Variants in ZBTB20 observed in about 807,000 individuals in gnomAD.
ZBTB20 encodes zinc finger and BTB domain containing 20, also known as zinc finger and BTB domain-containing protein 20.
ZBTB20 carries 9 observed loss-of-function variants against 56.9 expected under a neutral mutation model. The observed-to-expected ratio is 0.16, with a 90% CI of 0.10 to 0.28. The LOEUF (loss-of-function observed/expected upper bound fraction) is 0.28. ZBTB20 is among the 10% of genes least tolerant of loss of function. The probability of loss-of-function intolerance (pLI) is 1.00; values close to 1 mark genes in which losing one functional copy is unlikely to be tolerated. For missense variants in ZBTB20, 655 were observed against 1,003.0 expected (o/e 0.65, Z 4.69); for synonymous variants, 417 against 420.7 (o/e 0.99, Z 0.11).
intron 2 of ZBTB20, among the ~76,000 whole-genome samples, chr3:115,050,854 A>G (rs1456663836): frequency 6.6e-6 from 1 of 152,116 alleles, no homozygotes; most frequent in Non-Finnish European, 1.5e-5. Context: ...AAGGATGGTA[A>G]TAAGATGAAA....
At chr3:114,963,340 T>G (rs1254843590) in intron 3 of ZBTB20, among the ~76,000 whole-genome samples, 2 of 152,116 alleles carry the variant, frequency 1.3e-5, no homozygotes, top group Non-Finnish European at 2.9e-5. Flanking sequence ...TAGATGAATT[T>G]TCCCTTGGCC....
intron 6 of ZBTB20, among the ~76,000 whole-genome samples, chr3:114,613,898 A>T (rs2057736667): frequency 6.6e-6 from 1 of 152,190 alleles, no homozygotes; most frequent in African/African-American, 2.4e-5. Context: ...AGTGCTTATT[A>T]TATACTAGGT....
chr3:114,828,238 C>G (rs778868055), intron 4 of ZBTB20, among the ~76,000 whole-genome samples: 2 of 151,430 alleles, frequency 1.3e-5, no homozygotes, highest in Non-Finnish European at 3.0e-5. Context: ...TATTGAGCAC[C>G]AAGTAAGTAC....
chr3:114,898,808 G>A (rs562147893), intron 4 of ZBTB20, among the ~76,000 whole-genome samples: 2 of 152,192 alleles, frequency 1.3e-5, no homozygotes, highest in East Asian at 3.9e-4. Context: ...CCAGATTTAT[G>A]TTACTAAATA....
At chr3:114,770,102 A>C (rs2069092245) in intron 5 of ZBTB20, among the ~76,000 whole-genome samples, 1 of 151,584 alleles carries the variant, frequency 6.6e-6, no homozygotes, top group Non-Finnish European at 1.5e-5. Flanking sequence ...TCTTGGAGGA[A>C]AGAGTGGGAA....
At chr3:115,024,691 A>G (rs1404886713) in intron 2 of ZBTB20, among the ~76,000 whole-genome samples, 2 of 151,100 alleles carry the variant, frequency 1.3e-5, no homozygotes, top group African/African-American at 4.8e-5. Context: ...AGAACTGTAC[A>G]GTAGGCCATT....
chr3:114,974,037 T>C (rs1398298352), intron 3 of ZBTB20, among the ~76,000 whole-genome samples: 2 of 149,336 alleles, frequency 1.3e-5, no homozygotes, highest in Admixed American at 6.7e-5. Context: ...AAGAACACAG[T>C]TTAAAATCAT....
At chr3:114,448,633 A>T (rs2091417588) in intron 7 of ZBTB20, among the ~76,000 whole-genome samples, 1 of 152,172 alleles carries the variant, frequency 6.6e-6, no homozygotes, top group Non-Finnish European at 1.5e-5. Context: ...AAAACTTCTA[A>T]CACAGTAACA....
chr3:114,367,802 G>A (rs1344315104), intron 10 of ZBTB20, among the ~76,000 whole-genome samples: 1 of 152,044 alleles, frequency 6.6e-6, no homozygotes, highest in African/African-American at 2.4e-5. Context: ...TACAAATGGG[G>A]GAATAAAAGA....
intron 7 of ZBTB20, among the ~76,000 whole-genome samples, chr3:114,404,706 A>G (rs2087139389): frequency 6.6e-6 from 1 of 152,132 alleles, no homozygotes; most frequent in African/African-American, 2.4e-5. Context: ...CTAGCTTTAC[A>G]TAAACAAAGG....
intron 11 of ZBTB20, among the ~76,000 whole-genome samples, chr3:114,343,884 C>A (rs1194046127): frequency 6.6e-6 from 1 of 152,100 alleles, no homozygotes; most frequent in African/African-American, 2.4e-5. Context: ...CACATCTCTA[C>A]TAAAAATACA....
At position 115,105,904 on chromosome 3, in the gene ZBTB20, G is replaced by A. The variant is rs555638086; in HGVS notation, c.-702-34490C>T. On this transcript the variant is annotated intron_variant, in intron 1 of 11. Transcript: ENST00000675478. Reference sequence around the variant, plus strand: ...GCAATCTCGGCTCACTGCAATCTTCGCCTCCCCAGTTCAAGCGATTCTCCT... The same window carrying A: ...GCAATCTCGGCTCACTGCAATCTTCACCTCCCCAGTTCAAGCGATTCTCCT... Among the ~76,000 whole-genome samples, 107 of 152,040 alleles carry A rather than the reference G, an allele frequency of 7.0e-4. 1 individual carries two copies. Among genetic ancestry groups the A allele is most frequent in the Admixed American group, 7.2e-4 (11 of 15,268 alleles).
chr3:114,669,626 T>TAA (rs374255851), intron 6 of ZBTB20, among the ~76,000 whole-genome samples: 1 of 142,528 alleles, frequency 7.0e-6, no homozygotes, highest in Non-Finnish European at 1.5e-5. Context: ...GTGAACACAT[T>TAA]AAAAAAAAAA....
intron 1 of ZBTB20, among the ~76,000 whole-genome samples, chr3:115,095,802 T>C (rs1451583005): frequency 3.3e-5 from 5 of 152,198 alleles, no homozygotes; most frequent in African/African-American, 1.2e-4. Context: ...ATAATATCTA[T>C]GTAATAGGAA....
intron 4 of ZBTB20, among the ~76,000 whole-genome samples, chr3:114,867,487 G>C (rs956452022): frequency 1.3e-5 from 2 of 152,204 alleles, no homozygotes; most frequent in South Asian, 4.1e-4. Flanking sequence ...CCAGGTTGGA[G>C]TGCACTGGCA....
intron 10 of ZBTB20, among the ~76,000 whole-genome samples, chr3:114,357,575 G>T (rs2081381683): frequency 6.6e-6 from 1 of 152,038 alleles, no homozygotes; most frequent in African/African-American, 2.4e-5. Flanking sequence ...GGGTTTTGGG[G>T]GGTATGTATA....
intron 6 of ZBTB20, among the ~76,000 whole-genome samples, chr3:114,631,650 C>T (rs1015413199): frequency 6.6e-6 from 1 of 151,972 alleles, no homozygotes; most frequent in African/African-American, 2.4e-5. Context: ...CTCGGCCTCC[C>T]AAAGTGCTGG....
intron 1 of ZBTB20, among the ~76,000 whole-genome samples, chr3:115,079,569 G>A (rs930927282): frequency 7.2e-5 from 11 of 151,988 alleles, no homozygotes; most frequent in African/African-American, 2.4e-4. Context: ...TTGTATTATT[G>A]GTAGAGATGG....
intron 5 of ZBTB20, among the ~76,000 whole-genome samples, chr3:114,756,863 C>T (rs952341963): frequency 2.0e-5 from 3 of 152,102 alleles, no homozygotes; most frequent in African/African-American, 7.2e-5. Context: ...TATTACTATG[C>T]TTGGGACTTA....
Sources: gnomAD v4.1 joint callset for allele counts (sites outside exome capture counted in the v4.1 genomes callset) on GRCh38, gnomAD v4.1.1 for gene constraint, MANE v1.5 for transcripts, NCBI Gene and HGNC (gene_info 2026-07-23, HGNC 2026-07-21) for gene names.